RBPMS: variants seen among roughly 807,000 people sequenced by gnomAD.
RBPMS encodes RNA binding protein, mRNA processing factor.
RBPMS carries 7 observed loss-of-function variants against 26.8 expected under a neutral mutation model. The ratio of observed to expected loss-of-function variants is 0.26; its 90% CI spans 0.15 to 0.49. RBPMS has a LOEUF of 0.49. Among genes scored for constraint, RBPMS ranks in the 20% least tolerant of loss-of-function variants. RBPMS has a pLI of 0.98. For synonymous variants in RBPMS, 96 were observed against 93.3 expected, an observed-to-expected ratio of 1.03 and a Z score of -0.17; for missense variants, 186 against 250.0, an observed-to-expected ratio of 0.74 and a Z score of 1.73.
intron 6 of RBPMS, chr8:30,555,950 A>AGCCCTGCC (rs1225960416): frequency 1.0e-6 from 1 of 985,262 alleles, no homozygotes; most frequent in African/African-American, 1.7e-5. Flanking sequence ...GTGCACCATG[A>AGCCCTGCC]GCCCTGCCGC....
intron 1 of RBPMS, among the ~76,000 whole-genome samples, chr8:30,419,450 A>ATATGTGTGTGTG (rs1554509328): frequency 0.015 from 2,156 of 143,266 alleles, 66 homozygotes; most frequent in African/African-American, 0.052. Flanking sequence ...CATCTCAAAA[A>ATATGTGTGTGTG]TGTGTGTGTG....
chr8:30,495,280 G>GTT (rs11331221), intron 4 of RBPMS, among the ~76,000 whole-genome samples: 13 of 129,000 alleles, frequency 1.0e-4, no homozygotes, highest in African/African-American at 2.6e-4. Context: ...AATTATGAAG[G>GTT]TTTTTTTTTT....
At chr8:30,549,605 C>T (rs937893911) in intron 6 of RBPMS, 3 of 1,590,916 alleles carry the variant, frequency 1.9e-6, no homozygotes, top group African/African-American at 2.7e-5. Context: ...TCTAGGAGCA[C>T]CTGGCTTAGC....
chr8:30,527,984 TGG>T (rs1388169223), intron 5 of RBPMS, among the ~76,000 whole-genome samples: 8 of 152,252 alleles, frequency 5.3e-5, no homozygotes, highest in South Asian at 2.1e-4. Context: ...AAGACCAGCC[TGG>T]TCAACATGGT....
At chr8:30,529,338 C>T (rs964641848) in intron 5 of RBPMS, among the ~76,000 whole-genome samples, 2 of 151,794 alleles carry the variant, frequency 1.3e-5, no homozygotes, top group African/African-American at 4.8e-5. Context: ...TATCTATTTC[C>T]AAAACTTTTT....
intron 8 of RBPMS, among the ~76,000 whole-genome samples, chr8:30,567,963 C>T (rs1828012118): frequency 1.3e-5 from 2 of 152,300 alleles, no homozygotes; most frequent in Admixed American, 1.3e-4. Flanking sequence ...GACAACAGTG[C>T]TTATGTGACC....
At chr8:30,458,774 C>T (rs1400369189) in intron 1 of RBPMS, among the ~76,000 whole-genome samples, 3 of 152,096 alleles carry the variant, frequency 2.0e-5, no homozygotes, top group Non-Finnish European at 4.4e-5. Flanking sequence ...TGCAGTGGTG[C>T]AAACATGGCT....
At chr8:30,437,033 C>T (rs1054802414) in intron 1 of RBPMS, among the ~76,000 whole-genome samples, 1 of 150,594 alleles carries the variant, frequency 6.6e-6, no homozygotes, top group African/African-American at 2.5e-5. Context: ...CGCCATTCTT[C>T]TGCCTCAGCC....
At chr8:30,413,461 A>G (rs1267016789) in intron 1 of RBPMS, among the ~76,000 whole-genome samples, 2 of 152,078 alleles carry the variant, frequency 1.3e-5, no homozygotes, top group South Asian at 2.1e-4. Flanking sequence ...AATAACCCCT[A>G]TACTTTTCAA....
intron 4 of RBPMS, 78 bp downstream of exon 4, chr8:30,479,455 TC>T: frequency 9.5e-7 from 1 of 1,053,940 alleles, no homozygotes; most frequent in Non-Finnish European, 1.5e-6. Context: ...GGACGGGAAA[TC>T]AAGTGGAAAG....
At chr8:30,466,511 A>C (rs1484091964) in intron 1 of RBPMS, among the ~76,000 whole-genome samples, 1 of 151,882 alleles carries the variant, frequency 6.6e-6, no homozygotes, top group African/African-American at 2.4e-5. Flanking sequence ...GCACCGCTGC[A>C]CTCCAGCCTG....
intron 4 of RBPMS, among the ~76,000 whole-genome samples, chr8:30,503,355 A>G (rs1005509407): frequency 3.3e-5 from 5 of 151,890 alleles, no homozygotes; most frequent in African/African-American, 9.7e-5. Context: ...GGCTCAAGCA[A>G]TTCTGTCTCA....
intron 1 of RBPMS, among the ~76,000 whole-genome samples, chr8:30,421,771 A>G (rs1404298785): frequency 1.3e-5 from 2 of 152,134 alleles, no homozygotes; most frequent in African/African-American, 4.8e-5. Flanking sequence ...CCTGGCCAAC[A>G]TGGTGAAATC....
intron 1 of RBPMS, among the ~76,000 whole-genome samples, chr8:30,474,078 G>A (rs1817434387): frequency 6.7e-6 from 1 of 148,558 alleles, no homozygotes; most frequent in Admixed American, 7.0e-5. Flanking sequence ...ATGTACCCCA[G>A]TACTTAAAAT....
intron 1 of RBPMS, among the ~76,000 whole-genome samples, chr8:30,418,458 A>G (rs1281630766): frequency 6.6e-6 from 1 of 152,146 alleles, no homozygotes; most frequent in Admixed American, 6.5e-5. Context: ...TTTTCTTATT[A>G]AAGAAGTGTA....
At chr8:30,528,111 G>T (rs549980449) in intron 5 of RBPMS, among the ~76,000 whole-genome samples, 111 of 151,994 alleles carry the variant, frequency 7.3e-4, no homozygotes, top group African/African-American at 2.5e-3. Context: ...GGAGGCAGAG[G>T]TTGCAGTGAG....
chr8:30,561,933 A>G (rs1047841056), intron 7 of RBPMS: 8 of 985,236 alleles, frequency 8.1e-6, no homozygotes, highest in Non-Finnish European at 9.6e-6. Flanking sequence ...TTTCCAAATC[A>G]TTTCTCACAG....
At chr8:30,470,579 A>G (rs1816984072) in intron 1 of RBPMS, among the ~76,000 whole-genome samples, 1 of 152,220 alleles carries the variant, frequency 6.6e-6, no homozygotes, top group Admixed American at 6.5e-5. Context: ...GGAATCAAAT[A>G]CATAATGTAA....
chr8:30,389,981 T>C (rs1807596352), intron 1 of RBPMS, among the ~76,000 whole-genome samples: 1 of 152,208 alleles, frequency 6.6e-6, no homozygotes, highest in African/African-American at 2.4e-5. Flanking sequence ...TTCTGAAGAC[T>C]ATATTTTTAT....
Sources: gnomAD v4.1 joint callset for allele counts (sites outside exome capture counted in the v4.1 genomes callset) on GRCh38, gnomAD v4.1.1 for gene constraint, MANE v1.5 for transcripts, NCBI Gene and HGNC (gene_info 2026-07-23, HGNC 2026-07-21) for gene names.